The following MARK3 variants were observed in gnomAD, a reference collection of about 807,000 sequenced individuals.
The protein encoded by MARK3 is MAP/microtubule affinity-regulating kinase 3.
A neutral mutation model predicts 90.1 loss-of-function variants in MARK3; 46 were observed. That is an observed-to-expected ratio of 0.51 (90% CI 0.40 to 0.65). The LOEUF (loss-of-function observed/expected upper bound fraction) is 0.65, where lower values mean the gene tolerates loss of function less well. MARK3 is among the 30% of genes least tolerant of loss of function. The pLI is 0.00. For missense variants in MARK3, 818 were observed against 947.2 expected (o/e 0.86, Z 1.79); for synonymous variants, 321 against 332.6 (o/e 0.97, Z 0.38).
At chr14:103,476,564 A>G (rs1421596550) in intron 13 of MARK3, among the ~76,000 whole-genome samples, 1 of 152,218 alleles carries the variant, frequency 6.6e-6, no homozygotes, top group Non-Finnish European at 1.5e-5. Flanking sequence ...TTTTCTGTGT[A>G]TTGAAGTATG....
intron 15 of MARK3, among the ~76,000 whole-genome samples, chr14:103,493,291 G>T (rs532715035): frequency 9.0e-6 from 1 of 111,476 alleles, no homozygotes; most frequent in African/African-American, 3.6e-5. Flanking sequence ...GAGTCTCACT[G>T]TCGCCAAGGC....
chr14:103,390,165 G>A (rs891417070), intron 1 of MARK3, among the ~76,000 whole-genome samples: 6 of 150,762 alleles, frequency 4.0e-5, no homozygotes, highest in Admixed American at 1.3e-4. Context: ...GGAGAATGGC[G>A]TGATCCCGGG....
At chr14:103,434,574 G>T (rs2092670122) in intron 3 of MARK3, among the ~76,000 whole-genome samples, 1 of 152,220 alleles carries the variant, frequency 6.6e-6, no homozygotes, top group Admixed American at 6.5e-5. Flanking sequence ...CTGGTTCGCA[G>T]TTTGAATGTC....
chr14:103,503,161 G>A lies in MARK3; in HGVS notation c.2196G>A (p.Arg732=). 1.2e-6 allele frequency: 2 copies of A among 1,614,218 alleles called. No individual in the cohort carries two copies. The highest frequency in any genetic ancestry group is 8.5e-7 in the Non-Finnish European group (1 of 1,180,028). The part of the protein sequence containing the change: ...RLSLNGVRFK[R]ISGTSIAFKN... ...CTCTGAACGGGGTCCGGTTTAAGCG[G>A]ATATCGGGGACATCCATAGCCTTCA... The change falls in exon 18 of 18, where the codon CGG becomes CGA. Residue 732 remains arginine (R), a synonymous_variant. Coordinates refer to ENST00000429436, the MANE Select transcript of MARK3 (RefSeq NM_001128918.3).
chr14:103,466,672 C>G (rs1479376560), intron 10 of MARK3, among the ~76,000 whole-genome samples: 1 of 152,194 alleles, frequency 6.6e-6, no homozygotes, highest in African/African-American at 2.4e-5. Context: ...TGTAATATGT[C>G]ATCTTTTAGG....
At chr14:103,390,892 G>C (rs35862113) in intron 1 of MARK3, among the ~76,000 whole-genome samples, 1 of 151,774 alleles carries the variant, frequency 6.6e-6, no homozygotes, top group Non-Finnish European at 1.5e-5. Flanking sequence ...TAATTTTTTC[G>C]TAGAGATGAG....
At position 103,462,337 on chromosome 14, in the gene MARK3, C is replaced by G. The variant is rs373063194; in HGVS notation, c.484-68C>G. 1.7e-4 allele frequency: 202 copies of G among 1,174,384 alleles called. 1 individual carries two copies. The African/African-American group carries it at 2.8e-3, about 16-fold the overall frequency. 72.7% of individuals were successfully genotyped at this position (1,174,384 alleles called of 1,614,324 possible). ...AGTATTCATTATGTGTGAACATTAA[C>G]AAAGTTATTTTCATCTTAATTACGA... On this transcript the variant is annotated intron_variant, in intron 6 of 17. Transcript: ENST00000429436.
intron 6 of MARK3, among the ~76,000 whole-genome samples, chr14:103,458,454 C>CAA (rs36020485): frequency 0.13 from 3,993 of 30,640 alleles, 566 homozygotes; most frequent in Middle Eastern, 0.2. Flanking sequence ...GACTCCATCT[C>CAA]AAAAAAAAAA....
chr14:103,391,531 T>G (rs553250451), intron 1 of MARK3, among the ~76,000 whole-genome samples: 2 of 149,870 alleles, frequency 1.3e-5, no homozygotes, highest in Non-Finnish European at 3.0e-5. Context: ...TTGGCTGATA[T>G]GTCAAATATG....
chr14:103,501,977 T>C (rs1194372903), intron 17 of MARK3, among the ~76,000 whole-genome samples: 1 of 152,172 alleles, frequency 6.6e-6, no homozygotes, highest in Non-Finnish European at 1.5e-5. Flanking sequence ...GTACTTAAGG[T>C]ACATAGACTA....
chr14:103,396,783 G>T (rs530505789), intron 1 of MARK3, among the ~76,000 whole-genome samples: 1 of 151,800 alleles, frequency 6.6e-6, no homozygotes, highest in Admixed American at 6.6e-5. Context: ...CACATCTTGG[G>T]GTACCTTTTT....
intron 8 of MARK3, 34 bp from the exon 9 acceptor site, chr14:103,465,938 T>C (rs1458968579): frequency 9.4e-6 from 15 of 1,600,342 alleles, no homozygotes; most frequent in Non-Finnish European, 1.3e-5. Context: ...AAAGGTTGAC[T>C]TACTCGTTTT....
intron 1 of MARK3, among the ~76,000 whole-genome samples, chr14:103,404,316 T>A (rs2140664140): frequency 6.6e-6 from 1 of 152,244 alleles, no homozygotes; most frequent in South Asian, 2.1e-4. Flanking sequence ...GAAGCCTCCC[T>A]TGGGCAGGAG....
At chr14:103,463,291 G>A (rs2093437162) in intron 7 of MARK3, among the ~76,000 whole-genome samples, 2 of 151,356 alleles carry the variant, frequency 1.3e-5, no homozygotes, top group Non-Finnish European at 2.9e-5. Context: ...CTCCCCTTAC[G>A]TAATTGCCAT....
intron 6 of MARK3, among the ~76,000 whole-genome samples, chr14:103,459,095 A>G (rs1452646438): frequency 6.6e-6 from 1 of 152,216 alleles, no homozygotes; most frequent in Non-Finnish European, 1.5e-5. Context: ...CTTAATTTTT[A>G]TAAATTGGCC....
At chr14:103,482,580 A>G (rs1369443683) in intron 14 of MARK3, among the ~76,000 whole-genome samples, 1 of 151,974 alleles carries the variant, frequency 6.6e-6, no homozygotes, top group Non-Finnish European at 1.5e-5. Flanking sequence ...TGCACTACCC[A>G]GCTCCTTCTG....
At chr14:103,482,543 A>C (rs1402308960) in intron 14 of MARK3, among the ~76,000 whole-genome samples, 1 of 151,788 alleles carries the variant, frequency 6.6e-6, no homozygotes, top group Admixed American at 6.6e-5. Context: ...TTGTTTCATT[A>C]CCTTTACTAC....
chr14:103,412,709 A>G, intron 2 of MARK3: 1 of 617,992 alleles, frequency 1.6e-6, no homozygotes, highest in Non-Finnish European at 2.9e-6. Flanking sequence ...GTTCCCGTGC[A>G]GGACTTCCTG....
At chr14:103,496,226 G>A (rs898979519) in intron 15 of MARK3, among the ~76,000 whole-genome samples, 1 of 152,156 alleles carries the variant, frequency 6.6e-6, no homozygotes, top group African/African-American at 2.4e-5. Context: ...GATTATAGGA[G>A]GAAAAGTTAA....
Sources: allele counts gnomAD v4.1 joint callset (sites outside exome capture counted in the v4.1 genomes callset), GRCh38; gene constraint gnomAD v4.1.1; transcripts MANE v1.5; gene names NCBI Gene and HGNC (gene_info 2026-07-23, HGNC 2026-07-21).